The following SMG9 variants were observed in gnomAD, a reference collection of about 807,000 sequenced individuals.
SMG9 encodes the protein nonsense-mediated mRNA decay factor SMG9.
A neutral mutation model predicts 64.0 loss-of-function variants in SMG9; 55 were observed. That is an observed-to-expected ratio of 0.86 (90% confidence interval 0.69 to 1.08). SMG9 has a LOEUF of 1.08. Ranked by LOEUF, SMG9 falls within the 50% of genes least tolerant of loss-of-function variation. The probability of loss-of-function intolerance (pLI) is 0.00; values close to 1 mark genes in which losing one functional copy is unlikely to be tolerated. For synonymous variants in SMG9, 244 were observed against 254.8 expected (o/e 0.96, Z 0.41); for missense variants, 554 against 681.3 (o/e 0.81, Z 2.08).
At chr19:43,742,655 CA>C (rs1453465680) in intron 6 of SMG9, among the ~76,000 whole-genome samples, 1 of 152,144 alleles carries the variant, frequency 6.6e-6, no homozygotes, top group Non-Finnish European at 1.5e-5. Flanking sequence ...GCATAGTAAG[CA>C]ATTAATACAG....
chr19:43,738,064 G>T, intron 8 of SMG9, 58 bp downstream of exon 8: 1 of 1,511,430 alleles, frequency 6.6e-7, no homozygotes, highest in Non-Finnish European at 9.2e-7. Context: ...TCCAGATCTT[G>T]GGAGGATGGG....
chr19:43,740,241 G>A, intron 6 of SMG9, 23 bp from the exon 7 acceptor site: 2 of 1,527,202 alleles, frequency 1.3e-6, no homozygotes, highest in Non-Finnish European at 1.8e-6. Flanking sequence ...GCAGGCAGGG[G>A]TGTGTGAGAG....
chr19:43,745,550 T>C (rs574207532), intron 5 of SMG9, among the ~76,000 whole-genome samples: 40 of 152,276 alleles, frequency 2.6e-4, no homozygotes, highest in African/African-American at 9.6e-4. Context: ...CCTTAAAATT[T>C]TGTTTTGTTT....
chr19:43,749,539 A>G (rs887140035), intron 2 of SMG9, among the ~76,000 whole-genome samples: 8 of 152,212 alleles, frequency 5.3e-5, no homozygotes, highest in Non-Finnish European at 1.2e-4. Flanking sequence ...GTTCTCATTT[A>G]CACTGTGGCC....
chr19:43,736,046 C>T (rs1395547565), intron 9 of SMG9, among the ~76,000 whole-genome samples: 1 of 152,222 alleles, frequency 6.6e-6, no homozygotes, highest in Non-Finnish European at 1.5e-5. Context: ...AATGAAGTCA[C>T]AGCTCAGCTG....
In SMG9 at chr19:43,728,708, G is replaced by C. The variant is rs543894391; in HGVS notation, c.*2888C>G. On this transcript the variant is annotated 3_prime_UTR_variant, in exon 14 of 14. Coordinates refer to ENST00000270066, the MANE Select transcript of SMG9 (RefSeq NM_019108.4). ...TCTGAACATAGGCAGCCTGGCTGCA[G>C]GGCTGACATTCTTAGGCCAAGTGCT... 6.6e-6 allele frequency: 1 copy of C among 152,360 alleles called. No individual in the cohort carries two copies. The highest frequency in any genetic ancestry group is 1.5e-5 in the Non-Finnish European group (1 of 68,154). The allele number at this position is 152,360 out of a possible 1,614,324, so 9.4% of individuals were successfully genotyped here. A position where few individuals can be genotyped will look rare whatever the true frequency, so the allele number is the denominator to read the frequency against.
rs1304570009 is a variant in SMG9, at chr19:43,747,423, G to C, written c.588+19C>G. On this transcript the variant is annotated intron_variant, in intron 5 of 13. Coordinates refer to ENST00000270066, the MANE Select transcript of SMG9 (RefSeq NM_019108.4). ...TGCAGGATGTGCGGAAGCTCAGGCAGGGCAGGACCCCTCGGTACCTCGATG... is the reference window on the plus strand; with the variant it reads ...TGCAGGATGTGCGGAAGCTCAGGCACGGCAGGACCCCTCGGTACCTCGATG... The C allele has an allele frequency of 6.2e-7, 1 of 1,609,498 alleles. No homozygotes were observed. Among genetic ancestry groups the C allele is most frequent in the Non-Finnish European group, 8.5e-7 (1 of 1,178,422 alleles).
chr19:43,749,137 C>A (rs1054939212), intron 2 of SMG9, among the ~76,000 whole-genome samples: 2 of 152,080 alleles, frequency 1.3e-5, no homozygotes, highest in African/African-American at 4.8e-5. Flanking sequence ...TGGAGCACTT[C>A]GGATATTCAG....
At chr19:43,750,389 TA>T (rs2146408898) in intron 2 of SMG9, 3 of 717,202 alleles carry the variant, frequency 4.2e-6, no homozygotes, top group East Asian at 2.6e-5. Flanking sequence ...AAGTCTCTGC[TA>T]AAAAGTCACC....
chr19:43,733,091 G>C (rs569210990), intron 12 of SMG9, 89 bp from the exon 13 acceptor site: 1 of 1,478,086 alleles, frequency 6.8e-7, no homozygotes, highest in Admixed American at 2.3e-5. Flanking sequence ...AGGAGCACCT[G>C]AGAGTTCAGC....
intron 13 of SMG9, chr19:43,732,323 G>C (rs1323720694): frequency 6.2e-6 from 1 of 162,294 alleles, no homozygotes; most frequent in African/African-American, 2.4e-5. Context: ...GGACAAAGAA[G>C]TAATGTAAAG....
chr19:43,732,685 G>T, intron 13 of SMG9, 173 bp downstream of exon 13: 2 of 727,164 alleles, frequency 2.8e-6, no homozygotes, highest in Non-Finnish European at 4.4e-6. Flanking sequence ...ACAGCATGTT[G>T]CCACATGGGT....
intron 2 of SMG9, among the ~76,000 whole-genome samples, chr19:43,749,034 A>G (rs527371808): frequency 1.3e-5 from 2 of 152,284 alleles, no homozygotes; most frequent in Admixed American, 6.5e-5. Context: ...GAATATTTGC[A>G]TATTTACTGG....
intron 2 of SMG9, 79 bp downstream of exon 2, chr19:43,750,513 C>CT: frequency 6.7e-7 from 1 of 1,495,156 alleles, no homozygotes; most frequent in Non-Finnish European, 9.0e-7. Context: ...TCCCCGGCAT[C>CT]TGGATTAGTG....
intron 9 of SMG9, among the ~76,000 whole-genome samples, chr19:43,735,933 T>C (rs571629098): frequency 1.3e-5 from 2 of 152,212 alleles, no homozygotes; most frequent in Non-Finnish European, 2.9e-5. Flanking sequence ...GTTTTCTCTC[T>C]TTTATCTGTT....
chr19:43,735,556 A>G (rs1215983971), intron 9 of SMG9, among the ~76,000 whole-genome samples: 2 of 141,656 alleles, frequency 1.4e-5, no homozygotes, highest in African/African-American at 5.4e-5. Context: ...CGGAGGTTGC[A>G]GTGAGCCGAG....
At chr19:43,740,991 T>G (rs439711) in intron 6 of SMG9, among the ~76,000 whole-genome samples, 21 of 152,142 alleles carry the variant, frequency 1.4e-4, no homozygotes, top group East Asian at 3.9e-4. Flanking sequence ...CTATCTCCCC[T>G]CAAGATGCAT....
At chr19:43,747,590 G>A in intron 4 of SMG9, 43 bp downstream of exon 4, 1 of 1,614,076 alleles carries the variant, frequency 6.2e-7, no homozygotes, top group East Asian at 2.2e-5. Context: ...GATCTGTGAG[G>A]AGACGCCAGT....
rs1969082161 is a variant in SMG9, at chr19:43,748,058, GT to G, written c.151-7del. The stretch of plus-strand genomic sequence containing the variant: ...CTTGTCTCTTCGCTGGCATCCTGTG[GT>G]GAGGGAGGGCAGTTACTCATGAATG... On this transcript the variant is annotated splice_region_variant and splice_polypyrimidine_tract_variant and intron_variant, in intron 2 of 13. Transcript: ENST00000270066. The G allele has an allele frequency of 8.1e-6, 13 of 1,604,580 alleles. No individual in the cohort carries two copies. In the Middle Eastern group the frequency reaches 1.7e-3, roughly 205 times the overall value.
Sources: gnomAD v4.1 joint callset for allele counts (sites outside exome capture counted in the v4.1 genomes callset) on GRCh38, gnomAD v4.1.1 for gene constraint, MANE v1.5 for transcripts, NCBI Gene and HGNC (gene_info 2026-07-23, HGNC 2026-07-21) for gene names.